Variants in MAGI1 observed in about 807,000 individuals in gnomAD.
MAGI1 encodes membrane-associated guanylate kinase, WW and PDZ domain-containing protein 1.
MAGI1 carries 58 observed loss-of-function variants against 139.9 expected under a neutral mutation model. The ratio of observed to expected loss-of-function variants is 0.41; its 90% confidence interval spans 0.34 to 0.52. The LOEUF (loss-of-function observed/expected upper bound fraction) is 0.52, where lower values mean the gene tolerates loss of function less well. MAGI1 is among the 20% of genes least tolerant of loss of function. MAGI1 has a pLI of 0.12. For missense variants in MAGI1, 1,874 were observed against 1,901.6 expected (o/e 0.99, Z 0.27); for synonymous variants, 812 against 737.9 (o/e 1.10, Z -1.63).
At chr3:65,642,935 T>C (rs923745589) in intron 1 of MAGI1, among the ~76,000 whole-genome samples, 3 of 152,216 alleles carry the variant, frequency 2.0e-5, no homozygotes, top group African/African-American at 4.8e-5. Flanking sequence ...CCAAATCAGC[T>C]TGAAGAAACA....
chr3:65,505,360 T>G (rs1417764377), intron 2 of MAGI1, among the ~76,000 whole-genome samples: 1 of 147,748 alleles, frequency 6.8e-6, no homozygotes, highest in Non-Finnish European at 1.5e-5. Context: ...AAATACTGAA[T>G]GTTTCTAATA....
chr3:65,427,746 G>A, intron 12 of MAGI1, among the ~76,000 whole-genome samples: 1 of 152,164 alleles, frequency 6.6e-6, no homozygotes, highest in East Asian at 1.9e-4. Flanking sequence ...TACCTCACAG[G>A]GAAGTGACAA....
At position 65,363,595 on chromosome 3, in the gene MAGI1, T is replaced by A; in HGVS notation, c.3365A>T (p.Tyr1122Phe). 6.2e-7 allele frequency: 1 copy of A among 1,613,412 alleles called. No individual in the cohort carries two copies. The highest frequency in any genetic ancestry group is 1.1e-5 in the South Asian group (1 of 90,940). The change falls in exon 21 of 23, where the codon TAC (tyrosine) becomes TTC (phenylalanine). Residue 1122 changes from tyrosine (Y) to phenylalanine (F), a missense_variant. Around this residue, in one of 5 missense-constraint regions of MAGI1, gnomAD observed 653 missense variants for 644.5 expected, o/e 1.01. Transcript: ENST00000402939. ...APQATQEQDF[Y>F]TVELERGAKG... ...GGCTCCTCTTTCCAGTTCCACAGTG[T>A]AAAAATCTTGCTCCTATTTAAAGAA...
intron 2 of MAGI1, among the ~76,000 whole-genome samples, chr3:65,518,655 CA>C (rs1288018248): frequency 3.9e-5 from 6 of 152,028 alleles, no homozygotes; most frequent in African/African-American, 1.4e-4. Flanking sequence ...AAATACTTCA[CA>C]AACATCGACA....
chr3:65,726,335 A>T (rs1390549833), intron 1 of MAGI1, among the ~76,000 whole-genome samples: 1 of 152,206 alleles, frequency 6.6e-6, no homozygotes, highest in Non-Finnish European at 1.5e-5. Flanking sequence ...AGGAGAATAG[A>T]ATATTCAGCA....
intron 1 of MAGI1, among the ~76,000 whole-genome samples, chr3:65,763,897 C>T (rs1168503463): frequency 6.6e-6 from 1 of 151,520 alleles, no homozygotes; most frequent in Non-Finnish European, 1.5e-5. Flanking sequence ...ATGGAGAAAC[C>T]CCATCTCTAC....
At chr3:65,993,339 G>A (rs765595131) in intron 1 of MAGI1, among the ~76,000 whole-genome samples, 1 of 152,094 alleles carries the variant, frequency 6.6e-6, no homozygotes, top group Non-Finnish European at 1.5e-5. Flanking sequence ...ATTCCACAGG[G>A]TGTGGACCTA....
chr3:65,570,102 T>C (rs1463697567), intron 2 of MAGI1, among the ~76,000 whole-genome samples: 1 of 147,060 alleles, frequency 6.8e-6, no homozygotes, highest in Non-Finnish European at 1.5e-5. Context: ...ATTATTATTA[T>C]TATTATTATT....
At chr3:65,407,946 T>C (rs1376375250) in intron 12 of MAGI1, among the ~76,000 whole-genome samples, 2 of 152,180 alleles carry the variant, frequency 1.3e-5, no homozygotes, top group South Asian at 2.1e-4. Context: ...CTTACTACCA[T>C]TCTACTCAAG....
At chr3:65,782,401 A>T (rs1049144308) in intron 1 of MAGI1, among the ~76,000 whole-genome samples, 10 of 152,178 alleles carry the variant, frequency 6.6e-5, no homozygotes, top group East Asian at 5.8e-4. Context: ...GGAAGGGAAC[A>T]CAGCCCTGTG....
chr3:65,439,927 G>A lies in MAGI1; in HGVS notation c.1222C>T (p.Gln408Ter). 6.2e-7 allele frequency: 1 copy of A among 1,611,062 alleles called. No homozygotes were observed. The highest frequency in any genetic ancestry group is 8.5e-7 in the Non-Finnish European group (1 of 1,177,858). ...KQLEQQQQQQQQQQQQQQQQQ... is the reference protein window; with the variant it reads ...KQLEQQQQQQ ...TGCTGCTGCTGCTGTTGCTGCTGCTGTTGCTGCTGCTGCTGCTGCTCAAGC... is the reference window on the plus strand; with the variant it reads ...TGCTGCTGCTGCTGTTGCTGCTGCTATTGCTGCTGCTGCTGCTGCTCAAGC... Residue 408 changes from glutamine (Q) to a stop codon, truncating the protein, a stop_gained, in exon 9 of 23, where the codon CAG becomes TAG. Transcript: ENST00000402939. LOFTEE classifies it high-confidence loss of function.
intron 1 of MAGI1, among the ~76,000 whole-genome samples, chr3:65,811,033 C>A (rs1307948268): frequency 2.0e-5 from 3 of 152,188 alleles, no homozygotes; most frequent in Admixed American, 6.5e-5. Context: ...CACACATGGA[C>A]AAACGAAAGC....
chr3:65,763,573 T>C (rs1029918027), intron 1 of MAGI1, among the ~76,000 whole-genome samples: 4 of 151,744 alleles, frequency 2.6e-5, no homozygotes, highest in African/African-American at 9.7e-5. Flanking sequence ...AACTGAGGCA[T>C]AAAGAAAAAA....
At chr3:65,885,931 C>A (rs1317449389) in intron 1 of MAGI1, among the ~76,000 whole-genome samples, 1 of 152,170 alleles carries the variant, frequency 6.6e-6, no homozygotes, top group South Asian at 2.1e-4. Flanking sequence ...TGCATACACA[C>A]ATATACACTC....
chr3:65,807,734 C>T (rs1276032372), intron 1 of MAGI1, among the ~76,000 whole-genome samples: 1 of 152,160 alleles, frequency 6.6e-6, no homozygotes, highest in East Asian at 1.9e-4. Context: ...AAGTAGGCCG[C>T]CACCAGACTG....
chr3:65,427,072 G>A (rs34388743), intron 12 of MAGI1, among the ~76,000 whole-genome samples: 8,684 of 152,244 alleles, frequency 0.057, 291 homozygotes, highest in South Asian at 0.11. Flanking sequence ...CTAGCACTTC[G>A]GGAGGCCGAG....
chr3:65,721,020 G>A (rs566434508), intron 1 of MAGI1, among the ~76,000 whole-genome samples: 3 of 152,002 alleles, frequency 2.0e-5, no homozygotes, highest in Admixed American at 2.0e-4. Flanking sequence ...GGGATTTCAG[G>A]TGTGAAATCC....
At chr3:65,932,375 A>C (rs1324456923) in intron 1 of MAGI1, among the ~76,000 whole-genome samples, 1 of 152,210 alleles carries the variant, frequency 6.6e-6, no homozygotes, top group Non-Finnish European at 1.5e-5. Context: ...AAACAAAAAT[A>C]AAAAAGAAAG....
At chr3:65,875,530 A>T (rs1302075250) in intron 1 of MAGI1, among the ~76,000 whole-genome samples, 1 of 152,206 alleles carries the variant, frequency 6.6e-6, no homozygotes, top group African/African-American at 2.4e-5. Flanking sequence ...GAAAAAACAC[A>T]TGACTATGAC....
Sources: gnomAD v4.1 joint callset for allele counts (sites outside exome capture counted in the v4.1 genomes callset) on GRCh38, gnomAD v4.1.1 for gene constraint, gnomAD v4.1.1 regional missense constraint, MANE v1.5 for transcripts, NCBI Gene and HGNC (gene_info 2026-07-23, HGNC 2026-07-21) for gene names.